Variants in SAMTOR observed in about 807,000 individuals in gnomAD.
SAMTOR encodes the protein UPF0532 protein C7orf60.
chr7:112,905,047 C>A, the SAMTOR span, among the ~76,000 whole-genome samples: 1 of 152,138 alleles, frequency 6.6e-6, no homozygotes, highest in East Asian at 1.9e-4. Flanking sequence ...ATTAATTCCC[C>A]ACTACTAAAT....
At chr7:112,914,276 GTT>G in the SAMTOR span, among the ~76,000 whole-genome samples, 107 of 130,972 alleles carry the variant, frequency 8.2e-4, no homozygotes, top group Middle Eastern at 4.1e-3. Flanking sequence ...TTAGCCTCTA[GTT>G]TTTTTTTTTT....
the SAMTOR span, among the ~76,000 whole-genome samples, chr7:112,857,079 C>CTG: frequency 9.5e-6 from 1 of 105,782 alleles, no homozygotes; most frequent in Non-Finnish European, 1.8e-5. Context: ...TTCTTTTAAT[C>CTG]TTTTTTTTTT....
the SAMTOR span, among the ~76,000 whole-genome samples, chr7:112,895,400 C>A: frequency 6.6e-6 from 1 of 152,100 alleles, no homozygotes; most frequent in African/African-American, 2.4e-5. Context: ...ATAGCTCTTA[C>A]AATTTTCTGC....
At chr7:112,906,744 G>C in the SAMTOR span, among the ~76,000 whole-genome samples, 1 of 151,836 alleles carries the variant, frequency 6.6e-6, no homozygotes, top group Non-Finnish European at 1.5e-5. Context: ...GCTAATTTTT[G>C]TATTTTTAGT....
chr7:112,854,013 C>T, the SAMTOR span, among the ~76,000 whole-genome samples: 1 of 152,000 alleles, frequency 6.6e-6, no homozygotes, highest in African/African-American at 2.4e-5. Flanking sequence ...CAGTCATACA[C>T]ATGAGAAATT....
the SAMTOR span, chr7:112,939,574 C>A: frequency 6.2e-7 from 1 of 1,613,922 alleles, no homozygotes; most frequent in Non-Finnish European, 8.5e-7. Flanking sequence ...TCCTCCCTCA[C>A]TCAGCGCGCT....
chr7:112,880,126 G>A, the SAMTOR span, among the ~76,000 whole-genome samples: 8 of 152,120 alleles, frequency 5.3e-5, no homozygotes, highest in South Asian at 2.1e-4. Flanking sequence ...AAAATATTCC[G>A]CAATCATCAT....
chr7:112,855,950 T>G, the SAMTOR span, among the ~76,000 whole-genome samples: 1,565 of 152,262 alleles, frequency 0.01, 31 homozygotes, highest in African/African-American at 0.035. Context: ...ACTAATAGTT[T>G]TAGAAGTTTA....
the SAMTOR span, among the ~76,000 whole-genome samples, chr7:112,839,965 GTCTGACAA>G: frequency 6.6e-6 from 1 of 151,722 alleles, no homozygotes; most frequent in Non-Finnish European, 1.5e-5. Flanking sequence ...TATATTCAGA[GTCTGACAA>G]TCTATGTTTT....
chr7:112,890,240 G>A, the SAMTOR span, among the ~76,000 whole-genome samples: 2 of 152,140 alleles, frequency 1.3e-5, no homozygotes, highest in East Asian at 3.9e-4. Flanking sequence ...GCACTCTACT[G>A]GAAGAGGGTG....
the SAMTOR span, chr7:112,819,635 G>A: frequency 1.3e-5 from 2 of 152,496 alleles, no homozygotes; most frequent in African/African-American, 4.8e-5. Context: ...AGTGGTAGTA[G>A]GTTTTATAAA....
the SAMTOR span, among the ~76,000 whole-genome samples, chr7:112,872,079 C>T: frequency 6.6e-6 from 1 of 152,200 alleles, no homozygotes; most frequent in East Asian, 1.9e-4. Context: ...TTGGAACTAT[C>T]CCCCCAAAAA....
At chr7:112,902,431 A>C in the SAMTOR span, among the ~76,000 whole-genome samples, 13 of 110,570 alleles carry the variant, frequency 1.2e-4, 1 homozygote, top group African/African-American at 5.4e-4. Context: ...AAAAAAAACA[A>C]AAAAAAACAA....
At chr7:112,870,993 A>G in the SAMTOR span, among the ~76,000 whole-genome samples, 2 of 152,194 alleles carry the variant, frequency 1.3e-5, no homozygotes, top group East Asian at 3.8e-4. Context: ...TACCCTAAAT[A>G]ATATAGCACC....
At chr7:112,934,609 C>T in the SAMTOR span, among the ~76,000 whole-genome samples, 2 of 152,258 alleles carry the variant, frequency 1.3e-5, no homozygotes, top group African/African-American at 2.4e-5. Context: ...GTATAAAAGC[C>T]TCCTTTCTCC....
chr7:112,874,594 C>T, the SAMTOR span, among the ~76,000 whole-genome samples: 5 of 152,080 alleles, frequency 3.3e-5, no homozygotes, highest in Admixed American at 1.3e-4. Context: ...CTCAGTATCA[C>T]GCAACATATC....
At chr7:112,850,674 T>A in the SAMTOR span, among the ~76,000 whole-genome samples, 1 of 152,194 alleles carries the variant, frequency 6.6e-6, no homozygotes, top group African/African-American at 2.4e-5. Flanking sequence ...CCTCTAGGGT[T>A]TCTAGTCTGT....
chr7:112,856,243 A>G, the SAMTOR span, among the ~76,000 whole-genome samples: 1 of 151,544 alleles, frequency 6.6e-6, no homozygotes, highest in Non-Finnish European at 1.5e-5. Context: ...ATTTTTATTT[A>G]CTTTTTTTTT....
chr7:112,860,940 A>G, the SAMTOR span, among the ~76,000 whole-genome samples: 1 of 150,936 alleles, frequency 6.6e-6, no homozygotes, highest in South Asian at 2.1e-4. Flanking sequence ...AAAAAAGTCA[A>G]CAGATTTGAT....
Sources: gnomAD v4.1 joint callset for allele counts (sites outside exome capture counted in the v4.1 genomes callset) on GRCh38, gnomAD v4.1.1 for gene constraint, MANE v1.5 for transcripts, NCBI Gene and HGNC (gene_info 2026-07-23, HGNC 2026-07-21) for gene names.